Variants in EDRF1 observed in about 807,000 individuals in gnomAD.
EDRF1 encodes the protein erythroid differentiation-related factor 1.
A neutral mutation model predicts 148.7 loss-of-function variants in EDRF1; 69 were observed. The observed-to-expected ratio is 0.46, with a 90% CI of 0.38 to 0.57. The LOEUF is 0.57. Ranked by LOEUF, EDRF1 falls within the 20% of genes least tolerant of loss-of-function variation. The pLI is 0.00. For missense variants in EDRF1, 1,118 were observed against 1,478.7 expected (o/e 0.76, Z 4.00); for synonymous variants, 515 against 532.8 (o/e 0.97, Z 0.46).
In EDRF1 at chr10:125,747,543, A is replaced by G; in HGVS notation, c.2822A>G (p.Asp941Gly). ...EEGLYYNKAIDYYLKALRSLG... is the reference protein window; with the variant it reads ...EEGLYYNKAIGYYLKALRSLG... ...CTGTTTTCTCCTTTGCAGGCTATTGATTACTATTTGAAAGCGCTAAGGTCA... is the reference window on the plus strand; with the variant it reads ...CTGTTTTCTCCTTTGCAGGCTATTGGTTACTATTTGAAAGCGCTAAGGTCA... The change falls in exon 20 of 25, where the codon GAT becomes GGT. Residue 941 changes from aspartate to glycine, a missense_variant. Asp to Gly is a moderately conservative substitution (Grantham distance 94). Transcript: ENST00000356792. 2.5e-6 allele frequency: 4 copies of G among 1,614,108 alleles called. No homozygotes were observed. The highest frequency in any genetic ancestry group is 3.4e-6 in the Non-Finnish European group (4 of 1,180,020).
At chr10:125,745,450 G>A (rs12413877) in intron 18 of EDRF1, 6,606 of 511,416 alleles carry the variant, frequency 0.013, 254 homozygotes, top group East Asian at 0.11. Context: ...TCTTAATTAC[G>A]TCTTTAAAGG....
At chr10:125,745,502 A>G in intron 18 of EDRF1, 1 of 603,794 alleles carries the variant, frequency 1.7e-6, no homozygotes, top group Non-Finnish European at 3.0e-6. Flanking sequence ...ACTAGGGGTT[A>G]GGGCTTCAAC....
Position 125,736,482 on chromosome 10 carries a change from G to A in EDRF1, c.1758+578G>A, listed in dbSNP as rs369065088. On this transcript the variant is annotated intron_variant, in intron 13 of 24. Transcript: ENST00000356792. Reference sequence around the variant, plus strand: ...GGCAGTATATACCTTTCAACATACCGTCTCCCTATGATTAGATCCAGGCCA... The same window carrying A: ...GGCAGTATATACCTTTCAACATACCATCTCCCTATGATTAGATCCAGGCCA... Among the ~76,000 whole-genome samples, 37 of 152,168 alleles carry A rather than the reference G, an allele frequency of 2.4e-4. No homozygotes were observed. The East Asian group carries it at 3.1e-3, about 13-fold the overall frequency.
chr10:125,724,743 T>C (rs1848171999), intron 4 of EDRF1, among the ~76,000 whole-genome samples: 1 of 152,218 alleles, frequency 6.6e-6, no homozygotes, highest in Admixed American at 6.5e-5. Flanking sequence ...ATAATAACAT[T>C]GTTGCAGTTT....
chr10:125,736,648 T>G (rs1454853380), intron 13 of EDRF1, among the ~76,000 whole-genome samples: 2 of 152,130 alleles, frequency 1.3e-5, no homozygotes, highest in African/African-American at 4.8e-5. Flanking sequence ...CTTAAAACAT[T>G]GACCATCTTT....
intron 14 of EDRF1, 87 bp downstream of exon 14, chr10:125,738,076 T>C: frequency 7.0e-7 from 1 of 1,430,254 alleles, no homozygotes; most frequent in South Asian, 1.1e-5. Context: ...CTAAATGTTA[T>C]TCTGAATTGT....
chr10:125,720,011 G>A, intron 1 of EDRF1, 96 bp downstream of exon 1: 1 of 1,119,284 alleles, frequency 8.9e-7, no homozygotes, highest in South Asian at 1.4e-5. Context: ...GATTCTGGAG[G>A]CTTCTCCATG....
chr10:125,749,387 G>A (rs773890350), intron 21 of EDRF1, 25 bp from the exon 22 acceptor site: 2 of 1,614,186 alleles, frequency 1.2e-6, no homozygotes, highest in South Asian at 2.2e-5. Flanking sequence ...TGAAGGATTT[G>A]TTGCTTGTTT....
chr10:125,759,844 G>A lies in EDRF1; in HGVS notation c.3546-3457G>A, dbSNP rs1037179100. The stretch of plus-strand genomic sequence containing the variant: ...TCCTGCCTCAGCCTCCCGAGTAGCT[G>A]GGACTACAGGCATCCGCCACCACAC... On this transcript the variant is annotated intron_variant, in intron 24 of 24. Coordinates refer to ENST00000356792, the MANE Select transcript of EDRF1 (RefSeq NM_001202438.2). Among the ~76,000 whole-genome samples, 56 of 152,164 alleles carry A rather than the reference G, an allele frequency of 3.7e-4. No homozygotes were observed. The South Asian group carries it at 7.7e-3, about 21-fold the overall frequency.
chr10:125,741,283 G>T lies in EDRF1; in HGVS notation c.2371+82G>T, dbSNP rs761289277. On this transcript the variant is annotated intron_variant, in intron 17 of 24. Coordinates refer to ENST00000356792, the MANE Select transcript of EDRF1 (RefSeq NM_001202438.2). Reference sequence around the variant, plus strand: ...GCTTATTTGAGTATTCAGAAAAGGGGTAGAAATATTAGAGTTTTGATATTT... The same window carrying T: ...GCTTATTTGAGTATTCAGAAAAGGGTTAGAAATATTAGAGTTTTGATATTT... The T allele has an allele frequency of 2.9e-5, 35 of 1,219,840 alleles. No homozygotes were observed. In the African/African-American group the frequency reaches 4.8e-4, roughly 17 times the overall value. 75.6% of individuals were successfully genotyped at this position (1,219,840 alleles called of 1,614,324 possible). A position where few individuals can be genotyped will look rare whatever the true frequency, so the allele number is the denominator to read the frequency against.
chr10:125,745,708 G>T lies in EDRF1; in HGVS notation c.2592G>T (p.Val864=). The stretch of plus-strand genomic sequence containing the variant: ...TGTTTTCTTTCTTTCTCTGTAAAGT[G>T]AGCAAATCTGTGTCTGCTGCCGAGC... ...QAAALQSERL[V]SKSVSAAEQQ... The change falls in exon 19 of 25, where the codon GTG becomes GTT. Residue 864 remains valine (V), a splice_region_variant and synonymous_variant. Coordinates refer to ENST00000356792, the MANE Select transcript of EDRF1 (RefSeq NM_001202438.2). 1 of 1,614,142 alleles carries T rather than the reference G, an allele frequency of 6.2e-7. No homozygotes were observed. Among genetic ancestry groups the T allele is most frequent in the South Asian group, 1.1e-5 (1 of 91,068 alleles).
rs772485660 is a variant in EDRF1, at chr10:125,745,903, A to C, written c.2787A>C (p.Ser929=). 1.6e-5 allele frequency: 26 copies of C among 1,614,074 alleles called. No individual in the cohort carries two copies. Among genetic ancestry groups the C allele is most frequent in the Non-Finnish European group, 2.2e-5 (26 of 1,180,036 alleles). Residue 929 remains serine (S), a synonymous_variant, in exon 19 of 25, where the codon TCA becomes TCC. Coordinates refer to ENST00000356792, the MANE Select transcript of EDRF1 (RefSeq NM_001202438.2). The part of the protein sequence containing the change: ...GAGDELKREF[S]PEEGLYYNKA... ...GGGATGAACTGAAACGTGAATTTTC[A>C]CCAGAAGAAGGCTTGTATTATAATA...
chr10:125,726,812 G>A (rs1445999043), intron 6 of EDRF1, among the ~76,000 whole-genome samples: 1 of 152,206 alleles, frequency 6.6e-6, no homozygotes, highest in Non-Finnish European at 1.5e-5. Flanking sequence ...TAACAACCAA[G>A]AAGTAGGGAT....
chr10:125,761,237 G>A (rs965525419), intron 24 of EDRF1: 1 of 406,256 alleles, frequency 2.5e-6, no homozygotes, highest in Admixed American at 2.8e-5. Context: ...GGTGATGCAG[G>A]CATTTCATCA....
chr10:125,723,765 C>T (rs1848120142), intron 3 of EDRF1, 46 bp from the exon 4 acceptor site: 7 of 1,563,134 alleles, frequency 4.5e-6, no homozygotes, highest in Non-Finnish European at 6.2e-6. Context: ...TTCCAAATCA[C>T]ACTAAAACAG....
chr10:125,747,249 C>G (rs1359094662), intron 19 of EDRF1: 1 of 328,416 alleles, frequency 3.0e-6, no homozygotes, highest in East Asian at 6.1e-5. Context: ...ACAAAGGAAA[C>G]AAGTGCATCA....
intron 24 of EDRF1, chr10:125,761,263 A>G (rs1850182123): frequency 2.6e-6 from 1 of 390,858 alleles, no homozygotes; most frequent in Non-Finnish European, 5.1e-6. Context: ...TGACAACTGC[A>G]TTGGCATTGA....
At chr10:125,745,181 GGGC>G in intron 18 of EDRF1, 1 of 170,712 alleles carries the variant, frequency 5.9e-6, no homozygotes, top group Non-Finnish European at 1.3e-5. Context: ...TAGTGAGCTG[GGGC>G]TGCTGTAATG....
At position 125,721,229 on chromosome 10, in the gene EDRF1, A is replaced by G. The variant is rs143528650; in HGVS notation, c.134A>G (p.Asn45Ser). Residue 45 changes from asparagine to serine, a missense_variant, in exon 2 of 25, where the codon AAT (asparagine) becomes AGT (serine). Physicochemically the swap from Asn to Ser is conservative, Grantham distance 46. Coordinates refer to ENST00000356792, the MANE Select transcript of EDRF1 (RefSeq NM_001202438.2). ...AQGSALFLGG[N>S]EVKSRAVVKY... ...GGATCAGCTTTATTTCTTGGAGGCA[A>G]TGAAGTGAAGAGCCGAGCTGTGGTG... 6.8e-6 allele frequency: 11 copies of G among 1,614,068 alleles called. No individual in the cohort carries two copies. Among genetic ancestry groups the G allele is most frequent in the East Asian group, 2.2e-5 (1 of 44,892 alleles).
Sources: gnomAD v4.1 joint callset for allele counts (sites outside exome capture counted in the v4.1 genomes callset) on GRCh38, gnomAD v4.1.1 for gene constraint, MANE v1.5 for transcripts, NCBI Gene and HGNC (gene_info 2026-07-23, HGNC 2026-07-21) for gene names.